Variants in N4BP2 observed in about 807,000 individuals in gnomAD.
N4BP2 encodes NEDD4 binding protein 2, also known as NEDD4-binding protein 2.
Under a neutral mutation model 152.8 loss-of-function variants are expected in N4BP2, and 91 were observed. That is an observed-to-expected ratio of 0.60 (90% CI 0.50 to 0.71). The LOEUF (loss-of-function observed/expected upper bound fraction) is 0.71, where lower values mean the gene tolerates loss of function less well. Among genes scored for constraint, N4BP2 ranks in the 30% least tolerant of loss-of-function variants. The pLI is 0.00. For missense variants in N4BP2, 1,923 were observed against 2,059.1 expected, an observed-to-expected ratio of 0.93 and a Z score of 1.28; for synonymous variants, 646 against 705.3, an observed-to-expected ratio of 0.92 and a Z score of 1.33.
At chr4:40,106,541 CTTTTA>C (rs1716309439) in intron 4 of N4BP2, among the ~76,000 whole-genome samples, 1 of 151,914 alleles carries the variant, frequency 6.6e-6, no homozygotes, top group Non-Finnish European at 1.5e-5. Flanking sequence ...GATTTTTACT[CTTTTA>C]TTTTATTTAT....
intron 2 of N4BP2, among the ~76,000 whole-genome samples, chr4:40,089,098 G>C (rs1433717315): frequency 6.6e-6 from 1 of 151,814 alleles, no homozygotes; most frequent in Non-Finnish European, 1.5e-5. Flanking sequence ...TTATAGGCAC[G>C]TGCCACCATG....
Position 40,124,208 on chromosome 4 carries a change from A to G in N4BP2, c.4330+3A>G. 1.3e-6 allele frequency: 2 copies of G among 1,598,962 alleles called. No individual in the cohort carries two copies. Among genetic ancestry groups the G allele is most frequent in the East Asian group, 2.2e-5 (1 of 44,682 alleles). The stretch of plus-strand genomic sequence containing the variant: ...GTCTTGTGGCAAGTTTATGCAAGGT[A>G]AAGCACATGTTTTTATTTCTAATGT... On this transcript the variant is annotated splice_donor_region_variant and intron_variant, in intron 11 of 17. Coordinates refer to ENST00000261435, the MANE Select transcript of N4BP2 (RefSeq NM_018177.6).
chr4:40,154,445 C>T lies in N4BP2; in HGVS notation c.*208C>T. Reference sequence around the variant, plus strand: ...CAAATGTTACCTGTTAAAGATATTACAGAGAAATTTTATTGATTACAAAAT... The same window carrying T: ...CAAATGTTACCTGTTAAAGATATTATAGAGAAATTTTATTGATTACAAAAT... On this transcript the variant is annotated 3_prime_UTR_variant, in exon 18 of 18. Transcript: ENST00000261435. 2.3e-6 allele frequency: 1 copy of T among 436,478 alleles called. No homozygotes were observed. Among genetic ancestry groups the T allele is most frequent in the East Asian group, 4.0e-5 (1 of 24,990 alleles). The allele number at this position is 436,478 out of a possible 1,614,324, so 27.0% of individuals were successfully genotyped here.
rs530498504 is a variant in N4BP2 at position 40,113,329 on chromosome 4, G to A, written c.1588-103G>A. Reference sequence around the variant, plus strand: ...TTTGCCATTTTAACACACTCATCAAGATTAGATAATCTTTACGTTTTACAT... The same window carrying A: ...TTTGCCATTTTAACACACTCATCAAAATTAGATAATCTTTACGTTTTACAT... On this transcript the variant is annotated intron_variant, in intron 6 of 17. Transcript: ENST00000261435. The A allele has an allele frequency of 1.5e-5, 13 of 852,714 alleles. No individual in the cohort carries two copies. In the African/African-American group the frequency reaches 1.7e-4, roughly 11 times the overall value. The allele number at this position is 852,714 out of a possible 1,614,324, so 52.8% of individuals were successfully genotyped here.
Position 40,097,209 on chromosome 4 carries a change from A to T in N4BP2, c.-114-18A>T. ...AAATATATATAGTCTGAGTGTTTTT[A>T]ATTGCTTTCTATTTTAGGTCTTTTT... On this transcript the variant is annotated intron_variant, in intron 2 of 17. Transcript: ENST00000261435. 1 of 690,414 alleles carries T rather than the reference A, an allele frequency of 1.4e-6. No homozygotes were observed. The highest frequency in any genetic ancestry group is 2.5e-6 in the Non-Finnish European group (1 of 401,766). 42.8% of individuals were successfully genotyped at this position (690,414 alleles called of 1,614,324 possible). A position where few individuals can be genotyped will look rare whatever the true frequency, so the allele number is the denominator to read the frequency against.
chr4:40,073,216 A>G (rs776931909), intron 1 of N4BP2, among the ~76,000 whole-genome samples: 40 of 152,192 alleles, frequency 2.6e-4, no homozygotes, highest in Admixed American at 4.6e-4. Flanking sequence ...ACCTGGAATT[A>G]GTGTTCTACT....
intron 16 of N4BP2, among the ~76,000 whole-genome samples, chr4:40,145,348 C>T (rs537529786): frequency 1.3e-5 from 2 of 152,146 alleles, no homozygotes; most frequent in African/African-American, 2.4e-5. Flanking sequence ...CTCAGCCTCC[C>T]GAGTAGCTGG....
At chr4:40,182,644 C>T in the N4BP2 span, among the ~76,000 whole-genome samples, 3 of 151,544 alleles carry the variant, frequency 2.0e-5, no homozygotes, top group South Asian at 4.2e-4. Context: ...GACGAGGTTT[C>T]GCCATGTTGC....
intron 3 of N4BP2, among the ~76,000 whole-genome samples, chr4:40,101,848 T>A (rs994605591): frequency 6.6e-6 from 1 of 152,232 alleles, no homozygotes; most frequent in African/African-American, 2.4e-5. Context: ...TATTACTGTT[T>A]TCCTGAAAGA....
In N4BP2 at chr4:40,102,665, T is replaced by C; in HGVS notation, c.820T>C (p.Cys274Arg). Residue 274 changes from cysteine to arginine, a missense_variant, in exon 4 of 18, where the codon TGC becomes CGC. Cys to Arg is a radical substitution (Grantham distance 180, BLOSUM62 -3). Transcript: ENST00000261435. The part of the protein sequence containing the change: ...QKQKELLESE[C>R]VEAQFSEAPV... Reference sequence around the variant, plus strand: ...ACAGAAAGAACTTTTAGAATCTGAGTGCGTTGAGGCTCAATTCTCTGAAGC... The same window carrying C: ...ACAGAAAGAACTTTTAGAATCTGAGCGCGTTGAGGCTCAATTCTCTGAAGC... 2.5e-6 allele frequency: 4 copies of C among 1,614,172 alleles called. No homozygotes were observed. The highest frequency in any genetic ancestry group is 3.4e-6 in the Non-Finnish European group (4 of 1,180,034).
At chr4:40,127,448 C>T (rs971360734) in intron 12 of N4BP2, among the ~76,000 whole-genome samples, 1 of 151,960 alleles carries the variant, frequency 6.6e-6, no homozygotes, top group Non-Finnish European at 1.5e-5. Context: ...CTCCTGGGCT[C>T]AAGTGATCCT....
At chr4:40,133,615 C>T (rs945513127) in intron 13 of N4BP2, among the ~76,000 whole-genome samples, 1 of 152,084 alleles carries the variant, frequency 6.6e-6, no homozygotes, top group Admixed American at 6.6e-5. Context: ...GGATTACAGG[C>T]GTGAGCCACC....
At chr4:40,137,336 A>G (rs1719499126) in intron 14 of N4BP2, among the ~76,000 whole-genome samples, 1 of 152,202 alleles carries the variant, frequency 6.6e-6, no homozygotes, top group African/African-American at 2.4e-5. Context: ...GACACAGTAG[A>G]GTATGTGGTT....
At chr4:40,183,249 TC>T in the N4BP2 span, among the ~76,000 whole-genome samples, 5 of 152,170 alleles carry the variant, frequency 3.3e-5, no homozygotes, top group African/African-American at 1.2e-4. Context: ...GTGTGTAACA[TC>T]CCAGTAAGAT....
chr4:40,141,886 GACC>G (rs1348875681), intron 14 of N4BP2, among the ~76,000 whole-genome samples: 1 of 152,222 alleles, frequency 6.6e-6, no homozygotes, highest in African/African-American at 2.4e-5. Flanking sequence ...AGGAGCTGGA[GACC>G]AGCCCGGCCA....
the N4BP2 span, among the ~76,000 whole-genome samples, chr4:40,189,696 C>A: frequency 1.3e-5 from 2 of 152,138 alleles, no homozygotes; most frequent in African/African-American, 4.8e-5. This position sits in a 1 kb window ranked among gnomAD's most constrained non-coding sequence, Gnocchi z 4.3. Context: ...TGAGACCAGT[C>A]TGGCCTACAT....
At chr4:40,119,531 C>G (rs577257113) in intron 8 of N4BP2, among the ~76,000 whole-genome samples, 1 of 152,148 alleles carries the variant, frequency 6.6e-6, no homozygotes, top group South Asian at 2.1e-4. Context: ...GAAGCTTCCT[C>G]GGTATCAGAC....
chr4:40,145,226 G>T (rs1985722), intron 16 of N4BP2, among the ~76,000 whole-genome samples: 43,886 of 150,362 alleles, frequency 0.29, 6,653 homozygotes, highest in South Asian at 0.47. Context: ...TTTTTTGTTT[G>T]TTTGTTTCTT....
intron 2 of N4BP2, among the ~76,000 whole-genome samples, chr4:40,077,419 A>T (rs1712861219): frequency 1.3e-5 from 2 of 149,448 alleles, no homozygotes; most frequent in African/African-American, 4.9e-5. Context: ...AAGTGCTGGG[A>T]TTACAGGCGT....
Sources: allele counts gnomAD v4.1 joint callset (sites outside exome capture counted in the v4.1 genomes callset), GRCh38; gene constraint gnomAD v4.1.1; non-coding constraint Gnocchi (gnomAD v3.1); transcripts MANE v1.5; gene names NCBI Gene and HGNC (gene_info 2026-07-23, HGNC 2026-07-21).